ZNF804B: variants seen among roughly 807,000 people sequenced by gnomAD.
ZNF804B encodes zinc finger 804B.
ZNF804B carries 80 observed loss-of-function variants against 101.4 expected under a neutral mutation model. That is an observed-to-expected ratio of 0.79 (90% CI 0.66 to 0.95). The LOEUF (loss-of-function observed/expected upper bound fraction) is 0.95. ZNF804B is among the 40% of genes least tolerant of loss of function. ZNF804B has a pLI of 0.00. For synonymous variants in ZNF804B, 622 were observed against 558.8 expected (o/e 1.11, Z -1.59); for missense variants, 1,673 against 1,561.9 (o/e 1.07, Z -1.20).
At chr7:89,293,013 G>A (rs966790405) in intron 2 of ZNF804B, among the ~76,000 whole-genome samples, 1 of 151,864 alleles carries the variant, frequency 6.6e-6, no homozygotes, top group Admixed American at 6.6e-5. Flanking sequence ...CATGAGTCCT[G>A]TGATTATATA....
At chr7:88,880,675 A>G (rs2115906506) in intron 1 of ZNF804B, among the ~76,000 whole-genome samples, 1 of 152,268 alleles carries the variant, frequency 6.6e-6, no homozygotes, top group Non-Finnish European at 1.5e-5. Flanking sequence ...CTAAGGGAAG[A>G]CACTGGGCAG....
At chr7:89,055,681 G>A (rs1440258019) in intron 1 of ZNF804B, among the ~76,000 whole-genome samples, 1 of 152,046 alleles carries the variant, frequency 6.6e-6, no homozygotes, top group African/African-American at 2.4e-5. Context: ...AGTGAACACT[G>A]TAGCTATTTA....
At chr7:88,859,337 AT>A (rs1189837612) in intron 1 of ZNF804B, among the ~76,000 whole-genome samples, 1 of 152,036 alleles carries the variant, frequency 6.6e-6, no homozygotes, top group African/African-American at 2.4e-5. Context: ...GGATTAGGCC[AT>A]TTTTTCATCT....
At chr7:89,111,474 A>G (rs895192948) in intron 1 of ZNF804B, among the ~76,000 whole-genome samples, 1 of 152,176 alleles carries the variant, frequency 6.6e-6, no homozygotes, top group Admixed American at 6.5e-5. Context: ...CTCTGTAATG[A>G]CAGATAACGT....
intron 2 of ZNF804B, among the ~76,000 whole-genome samples, chr7:89,280,135 G>C (rs1238553079): frequency 6.6e-6 from 1 of 152,150 alleles, no homozygotes. Flanking sequence ...CATGGAAACT[G>C]AACAACCTGC....
chr7:88,875,681 C>T (rs1375744389), intron 1 of ZNF804B, among the ~76,000 whole-genome samples: 7 of 151,820 alleles, frequency 4.6e-5, no homozygotes, highest in Admixed American at 3.3e-4. Flanking sequence ...GCTTACCAAC[C>T]AAAAAGAGTC....
At chr7:89,001,216 CA>C (rs971751338) in intron 1 of ZNF804B, among the ~76,000 whole-genome samples, 1 of 150,116 alleles carries the variant, frequency 6.7e-6, no homozygotes. Context: ...GTTCTCACCA[CA>C]AAAGGAACCA....
chr7:88,808,064 T>G (rs1268015309), intron 1 of ZNF804B, among the ~76,000 whole-genome samples: 1 of 152,118 alleles, frequency 6.6e-6, no homozygotes, highest in Non-Finnish European at 1.5e-5. Context: ...CAATCAGGCT[T>G]ACATTCAAAT....
chr7:89,285,495 C>T (rs1235739702), intron 2 of ZNF804B, among the ~76,000 whole-genome samples: 1 of 117,298 alleles, frequency 8.5e-6, no homozygotes, highest in Non-Finnish European at 1.6e-5. Context: ...TGCACTCCAG[C>T]CTGGGCGAGA....
At chr7:89,041,307 G>C (rs1789014194) in intron 1 of ZNF804B, among the ~76,000 whole-genome samples, 1 of 152,144 alleles carries the variant, frequency 6.6e-6, no homozygotes, top group Admixed American at 6.5e-5. Flanking sequence ...GGTCTGCCCT[G>C]GTAGGCCTGC....
chr7:89,008,429 C>T (rs1366328579), intron 1 of ZNF804B, among the ~76,000 whole-genome samples: 1 of 152,270 alleles, frequency 6.6e-6, no homozygotes, highest in Middle Eastern at 3.4e-3. Flanking sequence ...ACTACATCTG[C>T]CCATGCTACT....
intron 1 of ZNF804B, among the ~76,000 whole-genome samples, chr7:88,852,042 G>T (rs998657377): frequency 6.6e-6 from 1 of 152,104 alleles, no homozygotes; most frequent in African/African-American, 2.4e-5. Flanking sequence ...AGGGAGTTTT[G>T]TCATGGTAGA....
chr7:88,881,634 A>G (rs1420125093), intron 1 of ZNF804B, among the ~76,000 whole-genome samples: 1 of 152,154 alleles, frequency 6.6e-6, no homozygotes, highest in Non-Finnish European at 1.5e-5. Flanking sequence ...AATCCATCCC[A>G]TTGTTTGGGG....
At chr7:89,104,401 T>A (rs1195993181) in intron 1 of ZNF804B, among the ~76,000 whole-genome samples, 1 of 152,066 alleles carries the variant, frequency 6.6e-6, no homozygotes, top group Non-Finnish European at 1.5e-5. Flanking sequence ...TACTACTGAT[T>A]CAATGTTCTT....
chr7:89,136,159 C>T (rs1383846858), intron 1 of ZNF804B, among the ~76,000 whole-genome samples: 1 of 152,056 alleles, frequency 6.6e-6, no homozygotes, highest in Non-Finnish European at 1.5e-5. Context: ...AAATATTCTT[C>T]TTTGCTTCCT....
intron 2 of ZNF804B, among the ~76,000 whole-genome samples, chr7:89,284,754 G>T (rs188586369): frequency 3.9e-5 from 6 of 152,114 alleles, no homozygotes; most frequent in Admixed American, 1.3e-4. Flanking sequence ...GCAAAAGTAA[G>T]GTGAAAGATC....
At chr7:89,186,125 C>G (rs1788372528) in intron 1 of ZNF804B, among the ~76,000 whole-genome samples, 1 of 151,830 alleles carries the variant, frequency 6.6e-6, no homozygotes, top group Admixed American at 6.6e-5. Context: ...TACATATTAT[C>G]AATTTTATTA....
At chr7:89,024,249 T>C (rs1205644251) in intron 1 of ZNF804B, among the ~76,000 whole-genome samples, 2 of 152,260 alleles carry the variant, frequency 1.3e-5, no homozygotes, top group African/African-American at 4.8e-5. Flanking sequence ...CTTTGCAATA[T>C]TAGATAGCTA....
chr7:89,164,378 C>T (rs541756540), intron 1 of ZNF804B, among the ~76,000 whole-genome samples: 1 of 151,984 alleles, frequency 6.6e-6, no homozygotes, highest in African/African-American at 2.4e-5. Context: ...AAGAAACTAT[C>T]GTGGAAAACT....
Sources: gnomAD v4.1 joint callset for allele counts (sites outside exome capture counted in the v4.1 genomes callset) on GRCh38, gnomAD v4.1.1 for gene constraint, MANE v1.5 for transcripts, NCBI Gene and HGNC (gene_info 2026-07-23, HGNC 2026-07-21) for gene names.